Variants in TECPR2 observed in about 807,000 individuals in gnomAD.
TECPR2 encodes the protein tectonin beta-propeller repeat-containing protein 2.
In TECPR2, 65 loss-of-function variants were observed where a neutral mutation model predicts 138.1. That is an observed-to-expected ratio of 0.47 (90% CI 0.39 to 0.58). The LOEUF is 0.58. Ranked by LOEUF, TECPR2 falls within the 20% of genes least tolerant of loss-of-function variation. TECPR2 has a pLI of 0.00. For missense variants in TECPR2, 1,553 were observed against 1,824.5 expected (o/e 0.85, Z 2.71); for synonymous variants, 746 against 749.8 (o/e 0.99, Z 0.08).
At chr14:102,413,387 A>G (rs62008769) in intron 4 of TECPR2, among the ~76,000 whole-genome samples, 2 of 148,978 alleles carry the variant, frequency 1.3e-5, no homozygotes, top group East Asian at 3.9e-4. Context: ...GTATATATAT[A>G]TATATTTTTT....
rs556751486 is a variant in TECPR2, at chr14:102,497,637, C to T, written c.3999C>T (p.Leu1333=). ...GGGCCCGCTGTCCAAACGGAGACCT[C>T]GCCCGGCGGTACGGCGTCACAGACA... ...TVWARCPNGD[L]ARRYGVTDKN... is the part of the protein sequence containing the mutation. Residue 1333 remains leucine, a synonymous_variant, in exon 19 of 20, where the codon CTC becomes CTT. Coordinates refer to ENST00000359520, the MANE Select transcript of TECPR2 (RefSeq NM_014844.5). The T allele has an allele frequency of 8.9e-5, 144 of 1,609,570 alleles. 3 individuals carry two copies. In the South Asian group the frequency reaches 1.3e-3, roughly 15 times the overall value.
At position 102,497,691 on chromosome 14, in the gene TECPR2, A is replaced by C; in HGVS notation, c.4053A>C (p.Lys1351Asn). Residue 1351 changes from lysine to asparagine, a missense_variant, in exon 19 of 20, where the codon AAA becomes AAC. By Grantham distance (94) the Lys-to-Asn change is moderately conservative. Coordinates refer to ENST00000359520, the MANE Select transcript of TECPR2 (RefSeq NM_014844.5). The stretch of plus-strand genomic sequence containing the variant: ...ACCCCGCCGGGGACTACTGGAAGAA[A>C]ATTCCCGGCAGCGTGTCGTGTTTCA... Reference protein sequence around the residue: ...DKNPAGDYWKKIPGSVSCFTV... With the variant: ...DKNPAGDYWKNIPGSVSCFTV... 4 of 1,608,902 alleles carry C rather than the reference A, an allele frequency of 2.5e-6. 1 individual carries two copies. In the South Asian group the frequency reaches 4.4e-5, roughly 18 times the overall value.
intron 4 of TECPR2, among the ~76,000 whole-genome samples, chr14:102,409,635 C>G (rs17779819): frequency 0.038 from 5,719 of 152,004 alleles, 122 homozygotes; most frequent in Middle Eastern, 0.092. Context: ...GACTTTCAGT[C>G]CCTCTGATCC....
chr14:102,391,129 G>C (rs931052349), intron 2 of TECPR2, among the ~76,000 whole-genome samples: 2 of 152,184 alleles, frequency 1.3e-5, no homozygotes, highest in Admixed American at 1.3e-4. Context: ...CATGATCTCA[G>C]CTCACTGCAA....
intron 4 of TECPR2, among the ~76,000 whole-genome samples, chr14:102,411,699 C>CAAA (rs1173849759): frequency 0.014 from 665 of 46,776 alleles, 34 homozygotes; most frequent in African/African-American, 0.029. Flanking sequence ...CCATGTTGCT[C>CAAA]AAAAAAAAAA....
In TECPR2 at chr14:102,431,484, C is replaced by A. The variant is rs552490671; in HGVS notation, c.1085-312C>A. Among the ~76,000 whole-genome samples, 14 of 151,976 alleles carry A rather than the reference C, an allele frequency of 9.2e-5. No homozygotes were observed. In the East Asian group the frequency reaches 1.2e-3, roughly 13 times the overall value. On this transcript the variant is annotated intron_variant, in intron 7 of 19. Transcript: ENST00000359520. ...CAGCCTCCCAAGTAGCTGGGACCCC[C>A]GGCGCCCGCCACCATGCCCGGCTAA...
intron 12 of TECPR2, 126 bp from the exon 13 acceptor site, chr14:102,445,680 T>A (rs1389320430): frequency 8.0e-7 from 1 of 1,248,958 alleles, no homozygotes; most frequent in Non-Finnish European, 1.1e-6. Flanking sequence ...CACCTGCTGA[T>A]CCGCTCCAGG....
At chr14:102,490,987 C>T (rs1595150545) in intron 17 of TECPR2, among the ~76,000 whole-genome samples, 2 of 152,194 alleles carry the variant, frequency 1.3e-5, no homozygotes, top group East Asian at 1.9e-4. Context: ...CTCTGCCTCC[C>T]GGGTTCAAGT....
chr14:102,438,193 G>C lies in TECPR2; in HGVS notation c.2566G>C (p.Val856Leu), dbSNP rs754785316. ...TGAAGATGCTGTCCAGCAGGTGGCA[G>C]TCTCGCCCTCAGGTTCGCCTCCCCG... ...KFEDAVQQVA[V>L]SPSGALLWKI... The change falls in exon 10 of 20, where the codon GTC becomes CTC. Residue 856 changes from valine (V) to leucine (L), a missense_variant. Coordinates refer to ENST00000359520, the MANE Select transcript of TECPR2 (RefSeq NM_014844.5). 6 of 1,606,492 alleles carry C rather than the reference G, an allele frequency of 3.7e-6. No individual in the cohort carries two copies. The African/African-American group carries it at 8.0e-5, about 21-fold the overall frequency.
chr14:102,404,092 T>TG (rs1156724429), intron 2 of TECPR2, among the ~76,000 whole-genome samples: 1 of 150,758 alleles, frequency 6.6e-6, no homozygotes, highest in African/African-American at 2.4e-5. Context: ...TTTGTAGAGA[T>TG]GGGGTCTCAC....
chr14:102,479,967 C>T (rs1224508268), intron 17 of TECPR2, among the ~76,000 whole-genome samples: 1 of 152,212 alleles, frequency 6.6e-6, no homozygotes, highest in East Asian at 1.9e-4. Context: ...GTTCCCATTG[C>T]GGGCAGAATC....
chr14:102,445,778 AC>A, intron 12 of TECPR2, 27 bp from the exon 13 acceptor site: 5 of 1,608,864 alleles, frequency 3.1e-6, no homozygotes, highest in Non-Finnish European at 4.2e-6. Flanking sequence ...ATGGGTGCTG[AC>A]CCCCCTGTTC....
At chr14:102,368,234 C>T (rs1887399143) in intron 1 of TECPR2, among the ~76,000 whole-genome samples, 1 of 151,970 alleles carries the variant, frequency 6.6e-6, no homozygotes, top group African/African-American at 2.4e-5. Context: ...GTCTTGAACT[C>T]CCAACCTCAG....
chr14:102,477,215 C>T (rs1416034647), intron 17 of TECPR2, among the ~76,000 whole-genome samples: 1 of 152,052 alleles, frequency 6.6e-6, no homozygotes, highest in African/African-American at 2.4e-5. Flanking sequence ...ATTAAAACTA[C>T]AAAAGTCAGC....
At position 102,434,606 on chromosome 14, in the gene TECPR2, C is replaced by T. The variant is rs116185336; in HGVS notation, c.1789C>T (p.Leu597Phe). Residue 597 changes from leucine (L) to phenylalanine (F), a missense_variant, in exon 9 of 20, where the codon CTC (leucine) becomes TTC (phenylalanine). Transcript: ENST00000359520. ...EDVGGSDVTG[L>F]GDEPCPADDG... ...TGTGGGAGGCAGTGATGTCACGGGA[C>T]TCGGAGATGAGCCGTGTCCTGCAGA... The T allele has an allele frequency of 6.6e-4, 1,038 of 1,573,066 alleles. 3 individuals carry two copies. The African/African-American group carries it at 0.012, about 18-fold the overall frequency.
intron 2 of TECPR2, among the ~76,000 whole-genome samples, chr14:102,384,846 CTTTTTTTTTTT>C (rs58616138): frequency 7.0e-5 from 7 of 99,402 alleles, no homozygotes; most frequent in Admixed American, 2.1e-4. Flanking sequence ...TTTTCCTTTC[CTTTTTTTTTTT>C]TTTTTTTTTT....
intron 2 of TECPR2, 27 bp downstream of exon 2, chr14:102,376,967 A>AG: frequency 1.3e-6 from 2 of 1,569,032 alleles, no homozygotes; most frequent in Non-Finnish European, 1.7e-6. Context: ...TTTTCACCTG[A>AG]GGGGGCACGA....
chr14:102,450,497 A>G, intron 14 of TECPR2, 63 bp from the exon 15 acceptor site: 5 of 1,531,538 alleles, frequency 3.3e-6, no homozygotes, highest in East Asian at 2.3e-5. Context: ...CAGAACTAAG[A>G]TCTGAAGTGG....
At chr14:102,363,255 T>G in intron 1 of TECPR2, 139 bp downstream of exon 1, 1 of 194,580 alleles carries the variant, frequency 5.1e-6, no homozygotes, top group South Asian at 1.8e-4. Context: ...CCGCCCCGTC[T>G]CCCTCGCCCG....
Sources: allele counts gnomAD v4.1 joint callset (sites outside exome capture counted in the v4.1 genomes callset), GRCh38; gene constraint gnomAD v4.1.1; transcripts MANE v1.5; gene names NCBI Gene and HGNC (gene_info 2026-07-23, HGNC 2026-07-21).